Variants in TLK2 observed in about 807,000 individuals in gnomAD.
TLK2 encodes the protein serine/threonine-protein kinase tousled-like 2.
In TLK2, 6 loss-of-function variants were observed where a neutral mutation model predicts 117.3. The ratio of observed to expected loss-of-function variants is 0.05; its 90% CI spans 0.03 to 0.10. The LOEUF is 0.10. Ranked by LOEUF, TLK2 falls within the 10% of genes least tolerant of loss-of-function variation. TLK2 has a pLI of 1.00. For synonymous variants in TLK2, 257 were observed against 316.7 expected, an observed-to-expected ratio of 0.81 and a Z score of 2.00; for missense variants, 299 against 901.2, an observed-to-expected ratio of 0.33 and a Z score of 8.56.
chr17:62,552,257 A>G (rs1344689168), intron 7 of TLK2, 45 bp from the exon 8 acceptor site: 2 of 1,513,770 alleles, frequency 1.3e-6, no homozygotes, highest in East Asian at 4.6e-5. Flanking sequence ...TTTGTGGAAA[A>G]AGATGCCAAA....
intron 19 of TLK2, among the ~76,000 whole-genome samples, chr17:62,605,069 T>C (rs1451290611): frequency 6.6e-6 from 1 of 152,010 alleles, no homozygotes; most frequent in Non-Finnish European, 1.5e-5. Flanking sequence ...GGCTCATGCC[T>C]GTAATCCCAG....
chr17:62,571,364 T>C (rs553608475), intron 11 of TLK2, among the ~76,000 whole-genome samples: 1 of 152,312 alleles, frequency 6.6e-6, no homozygotes, highest in African/African-American at 2.4e-5. Context: ...TGTCATACTA[T>C]ATTGTTTATG....
chr17:62,517,596 G>A (rs561757518), intron 2 of TLK2, among the ~76,000 whole-genome samples: 13 of 151,644 alleles, frequency 8.6e-5, no homozygotes, highest in South Asian at 4.2e-4. Flanking sequence ...GGGTTTCACC[G>A]TGGTCTCGAT....
chr17:62,576,142 A>T (rs2080768062), intron 12 of TLK2, among the ~76,000 whole-genome samples: 2 of 152,178 alleles, frequency 1.3e-5, no homozygotes, highest in African/African-American at 2.4e-5. Flanking sequence ...TCTTTCTTAG[A>T]TAGGTATTAT....
intron 17 of TLK2, among the ~76,000 whole-genome samples, chr17:62,599,451 G>A (rs1259471745): frequency 1.3e-5 from 2 of 152,222 alleles, no homozygotes; most frequent in Non-Finnish European, 2.9e-5. Context: ...TGGGGGGTTA[G>A]CCCGTGTAGG....
chr17:62,519,612 G>A (rs564216223), intron 2 of TLK2, among the ~76,000 whole-genome samples: 1 of 152,154 alleles, frequency 6.6e-6, no homozygotes, highest in South Asian at 2.1e-4. Flanking sequence ...TCAGGAGTTC[G>A]AGACCAGCCT....
At chr17:62,484,385 T>C (rs2072078378) in intron 2 of TLK2, among the ~76,000 whole-genome samples, 4 of 151,012 alleles carry the variant, frequency 2.6e-5, no homozygotes, top group Non-Finnish European at 5.9e-5. Context: ...CAACCTCCGC[T>C]TCCTGGGTTC....
chr17:62,578,595 T>G (rs1467155311), intron 14 of TLK2, 21 bp downstream of exon 14: 1 of 1,584,052 alleles, frequency 6.3e-7, no homozygotes, highest in Non-Finnish European at 8.7e-7. Flanking sequence ...TCAGGGCATA[T>G]TGGGTTGGAG....
intron 6 of TLK2, among the ~76,000 whole-genome samples, chr17:62,525,669 C>CA (rs1043459842): frequency 1.3e-5 from 2 of 152,088 alleles, no homozygotes; most frequent in Admixed American, 6.6e-5. Flanking sequence ...AGGCTGGTCT[C>CA]AAACTCCTGA....
intron 7 of TLK2, among the ~76,000 whole-genome samples, chr17:62,548,292 T>A (rs555458284): frequency 6.6e-6 from 1 of 150,782 alleles, no homozygotes; most frequent in East Asian, 2.0e-4. Flanking sequence ...TATTTTTATT[T>A]TTTTTTTGAG....
In TLK2 at chr17:62,615,290, C is replaced by CTAAA. The variant is rs2084042588; in HGVS notation, c.*2726_*2727insAAAT. ...GCCAGTGAAATCACTAAGTGGGGTT[C>CTAAA]TTCCATGACATATTTTGTTAATATG... On this transcript the variant is annotated 3_prime_UTR_variant, in exon 22 of 22. Coordinates refer to ENST00000346027, the MANE Select transcript of TLK2 (RefSeq NM_006852.6). 6.6e-6 allele frequency: 1 copy of CTAAA among 152,194 alleles called. No individual in the cohort carries two copies. Among genetic ancestry groups the CTAAA allele is most frequent in the Non-Finnish European group, 1.5e-5 (1 of 68,050 alleles). 9.4% of individuals were successfully genotyped at this position (152,194 alleles called of 1,614,324 possible).
intron 17 of TLK2, among the ~76,000 whole-genome samples, chr17:62,599,611 C>T (rs992162354): frequency 6.6e-6 from 1 of 152,186 alleles, no homozygotes; most frequent in African/African-American, 2.4e-5. Flanking sequence ...CATCTCCTCC[C>T]TTCTGGCCTG....
At chr17:62,606,920 TG>T (rs1449360867) in intron 20 of TLK2, among the ~76,000 whole-genome samples, 54 of 152,252 alleles carry the variant, frequency 3.5e-4, no homozygotes, top group African/African-American at 1.3e-3. Flanking sequence ...ATGGGAGTTC[TG>T]TGTGTCCTTT....
chr17:62,555,424 C>T (rs150753024), intron 9 of TLK2, among the ~76,000 whole-genome samples: 2,056 of 151,700 alleles, frequency 0.014, 20 homozygotes, highest in Non-Finnish European at 0.022. Context: ...GAATTCAGCA[C>T]ATAGCTAAAC....
intron 2 of TLK2, among the ~76,000 whole-genome samples, chr17:62,483,572 G>A (rs1017213937): frequency 8.5e-5 from 13 of 152,106 alleles, no homozygotes; most frequent in Non-Finnish European, 1.6e-4. Flanking sequence ...GCACGATCTC[G>A]GCTCACCTCA....
intron 13 of TLK2, among the ~76,000 whole-genome samples, chr17:62,577,401 CAA>C (rs2146708257): frequency 6.6e-6 from 1 of 152,252 alleles, no homozygotes; most frequent in East Asian, 1.9e-4. Flanking sequence ...AAATATATAA[CAA>C]GAGCAGATGG....
At chr17:62,480,498 T>C (rs1013043126) in intron 1 of TLK2, among the ~76,000 whole-genome samples, 2 of 152,226 alleles carry the variant, frequency 1.3e-5, no homozygotes, top group Non-Finnish European at 2.9e-5. Flanking sequence ...GGGATTGTTA[T>C]GGAGCTATAT....
chr17:62,485,688 A>G (rs1363870605), intron 2 of TLK2, among the ~76,000 whole-genome samples: 3 of 148,372 alleles, frequency 2.0e-5, no homozygotes, highest in Non-Finnish European at 4.5e-5. Flanking sequence ...GAAAGTAGTA[A>G]TGTGCACCCA....
intron 16 of TLK2, among the ~76,000 whole-genome samples, chr17:62,593,574 C>T (rs61669210): frequency 1.3e-5 from 2 of 151,962 alleles, no homozygotes; most frequent in Admixed American, 6.6e-5. Flanking sequence ...AGGCACACAA[C>T]TCATTAGCCT....
Sources: allele counts gnomAD v4.1 joint callset (sites outside exome capture counted in the v4.1 genomes callset), GRCh38; gene constraint gnomAD v4.1.1; transcripts MANE v1.5; gene names NCBI Gene and HGNC (gene_info 2026-07-23, HGNC 2026-07-21).